TRHDE: variants seen among roughly 807,000 people sequenced by gnomAD.
TRHDE encodes thyrotropin-releasing hormone-degrading ectoenzyme.
A neutral mutation model predicts 125.7 loss-of-function variants in TRHDE; 72 were observed. That is an observed-to-expected ratio of 0.57 (90% CI 0.47 to 0.70). The LOEUF (loss-of-function observed/expected upper bound fraction) is 0.70. Ranked by LOEUF, TRHDE falls within the 30% of genes least tolerant of loss-of-function variation. The pLI, the probability that TRHDE is intolerant of heterozygous loss-of-function variation, is 0.00. For synonymous variants in TRHDE, 509 were observed against 509.1 expected, an observed-to-expected ratio of 1.00 and a Z score of 0.00; for missense variants, 1,110 against 1,327.1, an observed-to-expected ratio of 0.84 and a Z score of 2.54.
At chr12:72,131,176 A>G (rs1009345975) in intron 2 of TRHDE, among the ~76,000 whole-genome samples, 3 of 141,598 alleles carry the variant, frequency 2.1e-5, no homozygotes, top group African/African-American at 5.4e-5. Flanking sequence ...GGTTCACGCC[A>G]TTTTCCTGCC....
At chr12:72,393,653 T>C (rs1872685730) in intron 3 of TRHDE, among the ~76,000 whole-genome samples, 1 of 152,158 alleles carries the variant, frequency 6.6e-6, no homozygotes, top group Non-Finnish European at 1.5e-5. Context: ...AAACTACAAA[T>C]AAATGATCAC....
At chr12:72,566,813 T>G (rs1174008194) in intron 9 of TRHDE, among the ~76,000 whole-genome samples, 1 of 152,016 alleles carries the variant, frequency 6.6e-6, no homozygotes, top group Non-Finnish European at 1.5e-5. Flanking sequence ...GTTTATGAAG[T>G]TAATCTGTCT....
intron 2 of TRHDE, among the ~76,000 whole-genome samples, chr12:72,227,183 A>G (rs1216027899): frequency 1.3e-5 from 2 of 152,202 alleles, no homozygotes; most frequent in Non-Finnish European, 1.5e-5. Context: ...AAAGTATTAT[A>G]TATGTGTATT....
intron 3 of TRHDE, among the ~76,000 whole-genome samples, chr12:72,459,199 T>C (rs1592461024): frequency 6.6e-6 from 1 of 152,306 alleles, no homozygotes; most frequent in South Asian, 2.1e-4. Context: ...TCCCATCTCC[T>C]GCTTTCACTT....
intron 3 of TRHDE, among the ~76,000 whole-genome samples, chr12:72,458,905 A>AATG (rs745436198): frequency 2.0e-5 from 3 of 152,176 alleles, no homozygotes; most frequent in Non-Finnish European, 4.4e-5. Context: ...TTATAAAGGT[A>AATG]ATGATGATGA....
intron 2 of TRHDE, among the ~76,000 whole-genome samples, chr12:72,125,981 A>AAAAAC (rs1222459505): frequency 3.3e-5 from 5 of 152,264 alleles, no homozygotes; most frequent in African/African-American, 9.6e-5. Flanking sequence ...AGTGAGCCAC[A>AAAAAC]AAAATAAAAC....
In TRHDE at chr12:72,650,676, C is replaced by T. The variant is rs146401550; in HGVS notation, c.2676-1646C>T. Among the ~76,000 whole-genome samples, 488 of 152,016 alleles carry T rather than the reference C, an allele frequency of 3.2e-3. 3 individuals carry two copies. Among genetic ancestry groups the T allele is most frequent in the Middle Eastern group, 0.014 (4 of 294 alleles). On this transcript the variant is annotated intron_variant, in intron 15 of 18. Transcript: ENST00000261180. ...ACATTGATTGATGGGTTAGTGATTT[C>T]AGTAGATATTTTGTTGTTTTTTTTT...
At chr12:72,568,407 C>T (rs1007215795) in intron 9 of TRHDE, among the ~76,000 whole-genome samples, 161 bp from the exon 10 acceptor site, 1 of 152,034 alleles carries the variant, frequency 6.6e-6, no homozygotes, top group African/African-American at 2.4e-5. Context: ...AGAGTGAATT[C>T]ATCTTTTTGA....
intron 7 of TRHDE, among the ~76,000 whole-genome samples, chr12:72,551,780 C>T (rs1345480550): frequency 6.6e-6 from 1 of 151,570 alleles, no homozygotes; most frequent in Non-Finnish European, 1.5e-5. Flanking sequence ...TTTTTTTGCT[C>T]AATGTGAAAA....
chr12:72,474,513 T>C (rs1051489071), intron 5 of TRHDE, among the ~76,000 whole-genome samples: 2 of 152,136 alleles, frequency 1.3e-5, no homozygotes, highest in African/African-American at 4.8e-5. Flanking sequence ...CTTATAGAAG[T>C]GGAATTATGT....
At chr12:72,335,140 TA>T (rs1376348523) in intron 2 of TRHDE, among the ~76,000 whole-genome samples, 19 of 152,254 alleles carry the variant, frequency 1.2e-4, no homozygotes, top group African/African-American at 4.3e-4. Flanking sequence ...ATGAGAGAGT[TA>T]AACTTATACT....
At chr12:72,373,779 G>A (rs964348372) in intron 2 of TRHDE, among the ~76,000 whole-genome samples, 1 of 152,132 alleles carries the variant, frequency 6.6e-6, no homozygotes, top group Non-Finnish European at 1.5e-5. Flanking sequence ...TTTGAGGAGT[G>A]AAAAGGAAGC....
At chr12:72,592,852 A>G (rs2367748) in intron 12 of TRHDE, among the ~76,000 whole-genome samples, 40,249 of 151,730 alleles carry the variant, frequency 0.27, 8,114 homozygotes, top group East Asian at 0.54. Context: ...CTGGGATTAC[A>G]GACACCTGCC....
chr12:72,522,493 T>A (rs1357616592), intron 6 of TRHDE, among the ~76,000 whole-genome samples: 1 of 152,204 alleles, frequency 6.6e-6, no homozygotes, highest in Admixed American at 6.5e-5. Context: ...TTTAAAGTAG[T>A]CTTGCAAATT....
chr12:72,100,117 AG>A, intron 1 of TRHDE, among the ~76,000 whole-genome samples: 1 of 152,298 alleles, frequency 6.6e-6, no homozygotes, highest in East Asian at 1.9e-4. Context: ...TTAGATTCTC[AG>A]GGTAAAAATC....
At chr12:72,555,504 T>A (rs1340580965) in intron 7 of TRHDE, among the ~76,000 whole-genome samples, 1 of 152,182 alleles carries the variant, frequency 6.6e-6, no homozygotes, top group Non-Finnish European at 1.5e-5. Context: ...CTTTGACTCT[T>A]ATCTAATAGA....
At chr12:72,371,055 C>A (rs545998092) in intron 2 of TRHDE, among the ~76,000 whole-genome samples, 1 of 152,174 alleles carries the variant, frequency 6.6e-6, no homozygotes, top group South Asian at 2.1e-4. Flanking sequence ...AATTCCCACA[C>A]ATTTTAAAAT....
intron 15 of TRHDE, among the ~76,000 whole-genome samples, chr12:72,651,126 G>A (rs967394954): frequency 2.6e-5 from 4 of 152,050 alleles, no homozygotes; most frequent in East Asian, 1.9e-4. Context: ...AGGAAAAAGG[G>A]CTTCAGTTAA....
rs1875144146 is a variant in TRHDE, at chr12:72,667,289, C to G, written c.*4094C>G. Reference sequence around the variant, plus strand: ...ACACCTAATAAAGAAATAGTAAAAGCACATATAATGAAAAATAATTAAGAT... The same window carrying G: ...ACACCTAATAAAGAAATAGTAAAAGGACATATAATGAAAAATAATTAAGAT... On this transcript the variant is annotated 3_prime_UTR_variant, in exon 19 of 19. Coordinates refer to ENST00000261180, the MANE Select transcript of TRHDE (RefSeq NM_013381.3). 1 of 151,690 alleles carries G rather than the reference C, an allele frequency of 6.6e-6. No homozygotes were observed. The highest frequency in any genetic ancestry group is 2.4e-5 in the African/African-American group (1 of 41,348). The allele number at this position is 151,690 out of a possible 1,614,324, so 9.4% of individuals were successfully genotyped here. A position where few individuals can be genotyped will look rare whatever the true frequency, so the allele number is the denominator to read the frequency against.
Sources: gnomAD v4.1 joint callset for allele counts (sites outside exome capture counted in the v4.1 genomes callset) on GRCh38, gnomAD v4.1.1 for gene constraint, MANE v1.5 for transcripts, NCBI Gene and HGNC (gene_info 2026-07-23, HGNC 2026-07-21) for gene names.